The following WWOX variants were observed in gnomAD, a reference collection of about 807,000 sequenced individuals.
WWOX encodes WW domain containing oxidoreductase.
WWOX carries 69 observed loss-of-function variants against 46.2 expected under a neutral mutation model. The ratio of observed to expected loss-of-function variants is 1.49; its 90% CI spans 1.23 to 1.82. The LOEUF is 1.82. Ranked by LOEUF, WWOX falls within the 40% of genes most tolerant of loss-of-function variation. WWOX has a pLI of 0.00. For synonymous variants in WWOX, 359 were observed against 202.6 expected (o/e 1.77, Z -6.56); for missense variants, 919 against 542.6 (o/e 1.69, Z -6.89).
chr16:78,864,097 C>G (rs780339234), intron 8 of WWOX, among the ~76,000 whole-genome samples: 1 of 152,132 alleles, frequency 6.6e-6, no homozygotes, highest in Non-Finnish European at 1.5e-5. Flanking sequence ...ATTTCCAGTT[C>G]TTAGGGATAT....
chr16:78,825,651 A>G (rs562508332), intron 8 of WWOX: 1 of 522,330 alleles, frequency 1.9e-6, no homozygotes, highest in South Asian at 1.6e-5. Context: ...GCTGTGGTTC[A>G]TCATGAATAG....
chr16:78,906,452 G>C (rs75133459), intron 8 of WWOX, among the ~76,000 whole-genome samples: 3,342 of 152,220 alleles, frequency 0.022, 100 homozygotes, highest in Admixed American at 0.085. Context: ...CTTCCCAGGA[G>C]CCCTGTCATC....
intron 8 of WWOX, among the ~76,000 whole-genome samples, chr16:78,949,327 A>G (rs1330065522): frequency 6.6e-6 from 1 of 152,132 alleles, no homozygotes; most frequent in Non-Finnish European, 1.5e-5. Flanking sequence ...TAAGGGGATG[A>G]TAATTTGCTG....
intron 8 of WWOX, among the ~76,000 whole-genome samples, chr16:78,930,919 T>A (rs1453385991): frequency 3.3e-5 from 5 of 152,096 alleles, no homozygotes; most frequent in Admixed American, 2.6e-4. Flanking sequence ...CTGGGTTCGT[T>A]CCCAGGTCCT....
chr16:79,118,955 G>C (rs747195680), intron 8 of WWOX, among the ~76,000 whole-genome samples: 1 of 152,124 alleles, frequency 6.6e-6, no homozygotes, highest in Admixed American at 6.5e-5. Context: ...AAATACTTTT[G>C]GTGTCATAAG....
chr16:78,513,790 A>G (rs764544314), intron 8 of WWOX, among the ~76,000 whole-genome samples: 165 of 152,256 alleles, frequency 1.1e-3, no homozygotes, highest in Middle Eastern at 6.8e-3. Flanking sequence ...AACTTACGTC[A>G]CCACTTACCA....
At chr16:78,203,152 G>A (rs2036285912) in intron 5 of WWOX, among the ~76,000 whole-genome samples, 1 of 152,126 alleles carries the variant, frequency 6.6e-6, no homozygotes. Flanking sequence ...GAAGAAAGAG[G>A]CCTGGGAACA....
intron 8 of WWOX, among the ~76,000 whole-genome samples, chr16:79,165,150 GAAAA>G (rs5818206): frequency 7.3e-6 from 1 of 136,542 alleles, no homozygotes; most frequent in South Asian, 2.3e-4. Flanking sequence ...TAAAACGAAG[GAAAA>G]AAAAAAAAAA....
intron 8 of WWOX, among the ~76,000 whole-genome samples, chr16:78,748,040 A>C (rs115691066): frequency 2.0e-5 from 3 of 152,132 alleles, no homozygotes; most frequent in African/African-American, 7.2e-5. Context: ...TGGCCAGAGC[A>C]CTTGGGATCT....
At chr16:79,179,364 C>T (rs1391121625) in intron 8 of WWOX, among the ~76,000 whole-genome samples, 1 of 152,128 alleles carries the variant, frequency 6.6e-6, no homozygotes, top group Non-Finnish European at 1.5e-5. Flanking sequence ...CGCCTTATTC[C>T]TAGGCAGACT....
At chr16:78,801,952 G>T (rs531329435) in intron 8 of WWOX, among the ~76,000 whole-genome samples, 1 of 152,204 alleles carries the variant, frequency 6.6e-6, no homozygotes, top group East Asian at 1.9e-4. Flanking sequence ...AGCAAAATGG[G>T]GTAAGAACAG....
At chr16:78,386,721 C>T (rs892210571) in intron 5 of WWOX, 139 bp from the exon 6 acceptor site, 28 of 602,018 alleles carry the variant, frequency 4.7e-5, no homozygotes, top group East Asian at 3.4e-4. Context: ...CCATTCATTC[C>T]GATGATTTAT....
chr16:78,734,927 G>A (rs571066730), intron 8 of WWOX, among the ~76,000 whole-genome samples: 8 of 122,288 alleles, frequency 6.5e-5, no homozygotes, highest in African/African-American at 1.6e-4. Flanking sequence ...GTGCAGTGAC[G>A]CAATCTCAGC....
rs1479093844 is a variant in WWOX, at chr16:79,128,642, A to G, written c.1057-82966A>G. On this transcript the variant is annotated intron_variant, in intron 8 of 8. Coordinates refer to ENST00000566780, the MANE Select transcript of WWOX (RefSeq NM_016373.4). ...AGGGTCTGGGCATTTATTTCCAAAG[A>G]ATGATTTCACTCAACTGAGGAATTC... Among the ~76,000 whole-genome samples, 4 of 152,194 alleles carry G rather than the reference A, an allele frequency of 2.6e-5. No individual in the cohort carries two copies. In the East Asian group the frequency reaches 7.7e-4, roughly 29 times the overall value.
At chr16:79,046,532 C>T (rs1037613062) in intron 8 of WWOX, among the ~76,000 whole-genome samples, 1 of 152,186 alleles carries the variant, frequency 6.6e-6, no homozygotes, top group Non-Finnish European at 1.5e-5. Flanking sequence ...GATGTCTGCC[C>T]TTCTTGTGCA....
intron 6 of WWOX, among the ~76,000 whole-genome samples, chr16:78,412,749 G>C (rs1028570015): frequency 6.6e-6 from 1 of 152,180 alleles, no homozygotes; most frequent in African/African-American, 2.4e-5. Flanking sequence ...AGTTTTGAGA[G>C]GTTCTGGATG....
At chr16:79,160,478 A>G (rs1006506490) in intron 8 of WWOX, among the ~76,000 whole-genome samples, 1 of 152,080 alleles carries the variant, frequency 6.6e-6, no homozygotes, top group Non-Finnish European at 1.5e-5. Context: ...ATTAATATCA[A>G]TAAGAGCCGA....
intron 5 of WWOX, among the ~76,000 whole-genome samples, chr16:78,362,647 A>T (rs567508338): frequency 6.6e-6 from 1 of 152,070 alleles, no homozygotes; most frequent in Non-Finnish European, 1.5e-5. Context: ...AGGAAAAAAA[A>T]TCCTGGTGCT....
At chr16:78,876,060 G>C (rs758088265) in intron 8 of WWOX, among the ~76,000 whole-genome samples, 8 of 152,082 alleles carry the variant, frequency 5.3e-5, no homozygotes, top group Non-Finnish European at 1.2e-4. Context: ...ACTGCAGATG[G>C]ACAGCTGCCA....
Sources: allele counts gnomAD v4.1 joint callset (sites outside exome capture counted in the v4.1 genomes callset), GRCh38; gene constraint gnomAD v4.1.1; transcripts MANE v1.5; gene names NCBI Gene and HGNC (gene_info 2026-07-23, HGNC 2026-07-21).